The following JAZF1 variants were observed in gnomAD, a reference collection of about 807,000 sequenced individuals.
The protein encoded by JAZF1 is juxtaposed with another zinc finger protein 1.
In JAZF1, 8 loss-of-function variants were observed where a neutral mutation model predicts 26.4. That is an observed-to-expected ratio of 0.30 (90% confidence interval 0.18 to 0.55). JAZF1 has a LOEUF of 0.55. Ranked by LOEUF, JAZF1 falls within the 20% of genes least tolerant of loss-of-function variation. The probability of loss-of-function intolerance (pLI) is 0.94; values close to 1 mark genes in which losing one functional copy is unlikely to be tolerated. For synonymous variants in JAZF1, 126 were observed against 122.3 expected, an observed-to-expected ratio of 1.03 and a Z score of -0.20; for missense variants, 199 against 322.0, an observed-to-expected ratio of 0.62 and a Z score of 2.92.
chr7:27,885,988 C>T (rs186751489), intron 3 of JAZF1, among the ~76,000 whole-genome samples: 1 of 152,192 alleles, frequency 6.6e-6, no homozygotes, highest in Non-Finnish European at 1.5e-5. Context: ...CCTAACTAAC[C>T]TGACAACATA....
intron 2 of JAZF1, among the ~76,000 whole-genome samples, chr7:27,961,851 A>G (rs957763): frequency 0.94 from 143,734 of 152,244 alleles, 67,967 homozygotes; most frequent in East Asian, 1. Context: ...GGGATTCATG[A>G]TGCTCTCCGG....
intron 1 of JAZF1, among the ~76,000 whole-genome samples, chr7:28,180,070 T>C (rs1783615554): frequency 7.2e-6 from 1 of 139,728 alleles, no homozygotes. Flanking sequence ...TCCGCGACCC[T>C]GCCCAGCGCC....
chr7:27,949,488 G>GC (rs1157398950), intron 2 of JAZF1, among the ~76,000 whole-genome samples: 2 of 152,228 alleles, frequency 1.3e-5, no homozygotes, highest in African/African-American at 4.8e-5. Flanking sequence ...GTGGGTCTGA[G>GC]CCACAAAGTG....
chr7:27,890,104 G>A (rs376387774), intron 3 of JAZF1, among the ~76,000 whole-genome samples: 3 of 152,080 alleles, frequency 2.0e-5, no homozygotes, highest in African/African-American at 4.8e-5. Context: ...ATGGATCCAC[G>A]ATTCCTTGAC....
chr7:27,956,389 T>G (rs1331732225), intron 2 of JAZF1, among the ~76,000 whole-genome samples: 1 of 152,196 alleles, frequency 6.6e-6, no homozygotes, highest in Non-Finnish European at 1.5e-5. Flanking sequence ...ATCATGCTCT[T>G]TGGGGGTGTA....
intron 2 of JAZF1, among the ~76,000 whole-genome samples, chr7:27,958,291 G>A (rs1198634183): frequency 6.6e-6 from 1 of 152,198 alleles, no homozygotes; most frequent in Non-Finnish European, 1.5e-5. Flanking sequence ...TAAGATGGCT[G>A]ATGTAAATTT....
At chr7:27,864,244 AT>A (rs1783433495) in intron 3 of JAZF1, among the ~76,000 whole-genome samples, 1 of 152,208 alleles carries the variant, frequency 6.6e-6, no homozygotes, top group East Asian at 1.9e-4. Context: ...GATCAAAGCT[AT>A]TCAAATCAAC....
At chr7:27,899,817 G>C (rs1161699836) in intron 2 of JAZF1, among the ~76,000 whole-genome samples, 1 of 152,154 alleles carries the variant, frequency 6.6e-6, no homozygotes, top group East Asian at 1.9e-4. Flanking sequence ...AACTGAGGTG[G>C]TGTGACCTGT....
At chr7:28,179,961 G>C (rs1583602551) in intron 1 of JAZF1, among the ~76,000 whole-genome samples, 1 of 121,384 alleles carries the variant, frequency 8.2e-6, no homozygotes, top group Admixed American at 9.7e-5. Flanking sequence ...GCCGAGCCCT[G>C]ACAGCTCGAG....
At chr7:27,891,806 C>T (rs1248968022) in intron 3 of JAZF1, among the ~76,000 whole-genome samples, 1 of 152,110 alleles carries the variant, frequency 6.6e-6, no homozygotes. Flanking sequence ...GCACTCCAGC[C>T]TAGGTGATAG....
At chr7:27,994,535 C>G (rs1042303520) in intron 1 of JAZF1, among the ~76,000 whole-genome samples, 2 of 152,008 alleles carry the variant, frequency 1.3e-5, no homozygotes, top group African/African-American at 4.8e-5. Flanking sequence ...CTAGAATGTA[C>G]TCTGGTAACC....
At chr7:27,871,884 CAT>C (rs1783589318) in intron 3 of JAZF1, among the ~76,000 whole-genome samples, 1 of 152,126 alleles carries the variant, frequency 6.6e-6, no homozygotes, top group Non-Finnish European at 1.5e-5. Context: ...GGGAGACACA[CAT>C]GTCAAGGATG....
At chr7:27,930,822 G>T (rs1784677630) in intron 2 of JAZF1, among the ~76,000 whole-genome samples, 3 of 133,692 alleles carry the variant, frequency 2.2e-5, no homozygotes, top group Admixed American at 1.6e-4. Flanking sequence ...CCTATAGACA[G>T]CCATTTTTTT....
At chr7:27,915,365 A>G (rs570507500) in intron 2 of JAZF1, among the ~76,000 whole-genome samples, 1 of 152,198 alleles carries the variant, frequency 6.6e-6, no homozygotes, top group Non-Finnish European at 1.5e-5. Flanking sequence ...AGCTTAGCTC[A>G]GCCTGACTTC....
intron 1 of JAZF1, among the ~76,000 whole-genome samples, chr7:28,044,574 A>G (rs1295428622): frequency 6.6e-6 from 1 of 152,194 alleles, no homozygotes; most frequent in Admixed American, 6.5e-5. Context: ...AAGTTCAGCA[A>G]GACAGTGGGA....
At chr7:27,973,283 A>AGT (rs149281886) in intron 2 of JAZF1, among the ~76,000 whole-genome samples, 16 of 151,526 alleles carry the variant, frequency 1.1e-4, no homozygotes, top group Non-Finnish European at 1.8e-4. Context: ...CCCAGGCTGG[A>AGT]GTGTGTGTGT....
chr7:27,846,392 C>CATATAAGTATACGTGTAT, intron 3 of JAZF1: 1 of 419,680 alleles, frequency 2.4e-6, no homozygotes, highest in Non-Finnish European at 4.9e-6. Flanking sequence ...CGTATATATA[C>CATATAAGTATACGTGTAT]ATATACGTAT....
At chr7:28,011,135 G>A (rs550919510) in intron 1 of JAZF1, among the ~76,000 whole-genome samples, 8 of 152,176 alleles carry the variant, frequency 5.3e-5, no homozygotes, top group South Asian at 2.1e-4. Context: ...CAATTTTAGC[G>A]GGCAAAATAT....
intron 3 of JAZF1, among the ~76,000 whole-genome samples, chr7:27,887,031 A>G (rs1200722604): frequency 2.0e-5 from 3 of 152,232 alleles, no homozygotes; most frequent in Non-Finnish European, 4.4e-5. Flanking sequence ...GTTCTTACTT[A>G]TAAGTGGGAG....
Sources: allele counts gnomAD v4.1 joint callset (sites outside exome capture counted in the v4.1 genomes callset), GRCh38; gene constraint gnomAD v4.1.1; transcripts MANE v1.5; gene names NCBI Gene and HGNC (gene_info 2026-07-23, HGNC 2026-07-21).